Variants in HHAT observed in about 807,000 individuals in gnomAD.
HHAT encodes hedgehog acyltransferase, also known as protein-cysteine N-palmitoyltransferase HHAT.
A neutral mutation model predicts 70.8 loss-of-function variants in HHAT; 47 were observed. That is an observed-to-expected ratio of 0.66 (90% CI 0.53 to 0.85). The LOEUF is 0.85. Among genes scored for constraint, HHAT ranks in the 40% least tolerant of loss-of-function variants. The pLI is 0.00. For missense variants in HHAT, 609 were observed against 604.8 expected (o/e 1.01, Z -0.07); for synonymous variants, 228 against 247.6 (o/e 0.92, Z 0.74).
chr1:210,570,798 C>T lies in HHAT; in HGVS notation c.1044-17100C>T, dbSNP rs1476911102. On this transcript the variant is annotated intron_variant, in intron 9 of 11. Coordinates refer to ENST00000261458, the MANE Select transcript of HHAT (RefSeq NM_018194.6). The stretch of plus-strand genomic sequence containing the variant: ...GCAGTGCTGTCAAGTCATAAGGTGA[C>T]GCAGCAGGAAAGTGGTGCTAACTAG... Among the ~76,000 whole-genome samples the T allele has an allele frequency of 2.6e-5, 4 of 152,096 alleles. No individual in the cohort carries two copies. In the South Asian group the frequency reaches 8.3e-4, roughly 32 times the overall value.
intron 11 of HHAT, among the ~76,000 whole-genome samples, chr1:210,656,735 C>A (rs1676506471): frequency 6.6e-6 from 1 of 152,262 alleles, no homozygotes; most frequent in East Asian, 1.9e-4. Flanking sequence ...GAGCCCTTGC[C>A]CCATCCCCAG....
intron 7 of HHAT, among the ~76,000 whole-genome samples, chr1:210,434,197 G>A (rs546606145): frequency 3.9e-5 from 6 of 152,052 alleles, no homozygotes; most frequent in South Asian, 2.1e-4. Context: ...CAAATGAGTC[G>A]TGATTGACTT....
chr1:210,378,571 A>C (rs2090402990), intron 3 of HHAT, among the ~76,000 whole-genome samples: 1 of 152,176 alleles, frequency 6.6e-6, no homozygotes, highest in South Asian at 2.1e-4. Flanking sequence ...TAGTTGTATA[A>C]ATTTTTGGAG....
rs186068541 is a variant in HHAT, at chr1:210,634,757, G to A, written c.1390+11087G>A. ...TGATTACTTTTCTCACTTTATGACC[G>A]CGCTTTAAGATTGCTGGAGGGTTGG... On this transcript the variant is annotated intron_variant, in intron 11 of 11. Coordinates refer to ENST00000261458, the MANE Select transcript of HHAT (RefSeq NM_018194.6). Among the ~76,000 whole-genome samples, 44 of 152,208 alleles carry A rather than the reference G, an allele frequency of 2.9e-4. No individual in the cohort carries two copies. The East Asian group carries it at 7.3e-3, about 25-fold the overall frequency.
intron 9 of HHAT, among the ~76,000 whole-genome samples, chr1:210,561,015 T>C (rs1281324216): frequency 6.6e-6 from 1 of 152,046 alleles, no homozygotes; most frequent in African/African-American, 2.4e-5. Flanking sequence ...ACATCTTTTC[T>C]CAAAGAAAGA....
rs762086618 is a variant in HHAT at position 210,674,628 on chromosome 1, G to T, written c.*249G>T. 2 of 470,052 alleles carry T rather than the reference G, an allele frequency of 4.3e-6. No individual in the cohort carries two copies. Among genetic ancestry groups the T allele is most frequent in the Non-Finnish European group, 3.8e-6 (1 of 263,150 alleles). 29.1% of individuals were successfully genotyped at this position (470,052 alleles called of 1,614,324 possible). On this transcript the variant is annotated 3_prime_UTR_variant, in exon 12 of 12. Transcript: ENST00000261458. ...TTGAGGAAACGGGTCCAGGGCAGTC[G>T]TGTGTCTTACCCAGCTACACAGGGT...
intron 3 of HHAT, among the ~76,000 whole-genome samples, chr1:210,377,621 A>G (rs891562462): frequency 1.4e-4 from 21 of 152,210 alleles, no homozygotes; most frequent in African/African-American, 4.8e-4. Context: ...AGAGGATGTT[A>G]CTGAGTTTAG....
intron 11 of HHAT, among the ~76,000 whole-genome samples, chr1:210,643,928 C>CTT (rs10682667): frequency 0.34 from 51,074 of 151,038 alleles, 9,404 homozygotes; most frequent in South Asian, 0.44. Context: ...GGAGAAATTT[C>CTT]TTTTTTTTTC....
intron 11 of HHAT, among the ~76,000 whole-genome samples, chr1:210,669,528 A>G (rs1179779657): frequency 6.6e-6 from 1 of 152,208 alleles, no homozygotes; most frequent in Non-Finnish European, 1.5e-5. Flanking sequence ...AGTTATCTGC[A>G]ATTAGCTATA....
At chr1:210,557,091 C>G in intron 9 of HHAT, among the ~76,000 whole-genome samples, 1 of 152,148 alleles carries the variant, frequency 6.6e-6, no homozygotes, top group East Asian at 1.9e-4. Context: ...TGGGGAGGAC[C>G]CAGTGGTGCC....
At chr1:210,506,667 C>T (rs1455369114) in intron 8 of HHAT, among the ~76,000 whole-genome samples, 1 of 151,976 alleles carries the variant, frequency 6.6e-6, no homozygotes, top group Non-Finnish European at 1.5e-5. Context: ...GAAGAGAACC[C>T]CTATTTTTAT....
intron 7 of HHAT, among the ~76,000 whole-genome samples, chr1:210,460,317 C>T (rs1558560631): frequency 6.6e-6 from 1 of 152,162 alleles, no homozygotes; most frequent in African/African-American, 2.4e-5. Flanking sequence ...GTCATTCTGT[C>T]ATACTTCCTA....
intron 1 of HHAT, among the ~76,000 whole-genome samples, chr1:210,336,371 A>C (rs1010588223): frequency 7.0e-6 from 1 of 142,554 alleles, no homozygotes; most frequent in African/African-American, 2.6e-5. Flanking sequence ...CAAGTAGTCT[A>C]CCCATCTCCT....
chr1:210,604,378 G>A (rs1031997336), intron 10 of HHAT, among the ~76,000 whole-genome samples: 2 of 151,912 alleles, frequency 1.3e-5, no homozygotes, highest in African/African-American at 4.8e-5. Flanking sequence ...GAGTCACTGC[G>A]CCCAGCCTAA....
At chr1:210,597,673 C>G (rs1231785598) in intron 10 of HHAT, among the ~76,000 whole-genome samples, 1 of 152,042 alleles carries the variant, frequency 6.6e-6, no homozygotes, top group Non-Finnish European at 1.5e-5. Flanking sequence ...GGTCCAAGGG[C>G]TCTTCATTCA....
At chr1:210,453,689 C>A (rs2093802297) in intron 7 of HHAT, among the ~76,000 whole-genome samples, 1 of 152,170 alleles carries the variant, frequency 6.6e-6, no homozygotes, top group Non-Finnish European at 1.5e-5. Context: ...ATATGGAAAT[C>A]TGAATTTGTT....
At chr1:210,639,148 C>T (rs941165973) in intron 11 of HHAT, among the ~76,000 whole-genome samples, 1 of 152,170 alleles carries the variant, frequency 6.6e-6, no homozygotes, top group African/African-American at 2.4e-5. Flanking sequence ...TTCATCCATG[C>T]ACCCAACAGC....
At chr1:210,416,275 C>T (rs1352697806) in intron 6 of HHAT, among the ~76,000 whole-genome samples, 1 of 152,198 alleles carries the variant, frequency 6.6e-6, no homozygotes, top group Non-Finnish European at 1.5e-5. Flanking sequence ...AGGTACCTCA[C>T]GGAATGGGCC....
At chr1:210,421,372 A>G (rs951097897) in intron 7 of HHAT, among the ~76,000 whole-genome samples, 3 of 152,174 alleles carry the variant, frequency 2.0e-5, no homozygotes, top group Non-Finnish European at 4.4e-5. Context: ...ATTTTATCTC[A>G]TAGTTTTAAT....
Sources: gnomAD v4.1 joint callset for allele counts (sites outside exome capture counted in the v4.1 genomes callset) on GRCh38, gnomAD v4.1.1 for gene constraint, MANE v1.5 for transcripts, NCBI Gene and HGNC (gene_info 2026-07-23, HGNC 2026-07-21) for gene names.